Variants in ZNRF1 observed in about 807,000 individuals in gnomAD.
ZNRF1 encodes the protein zinc and ring finger 1, also known as E3 ubiquitin-protein ligase ZNRF1.
A neutral mutation model predicts 18.4 loss-of-function variants in ZNRF1; 3 were observed. The ratio of observed to expected loss-of-function variants is 0.16; its 90% CI spans 0.07 to 0.42. The LOEUF is 0.42. Ranked by LOEUF, ZNRF1 falls within the 10% of genes least tolerant of loss-of-function variation. The pLI is 0.99. For synonymous variants in ZNRF1, 157 were observed against 144.2 expected (o/e 1.09, Z -0.64); for missense variants, 310 against 329.8 (o/e 0.94, Z 0.47).
At chr16:75,086,579 C>T (rs2036076491) in intron 1 of ZNRF1, among the ~76,000 whole-genome samples, 1 of 152,158 alleles carries the variant, frequency 6.6e-6, no homozygotes, top group African/African-American at 2.4e-5. Flanking sequence ...AATGTGATAC[C>T]TACAGCTTAG....
rs11321828 is a variant in ZNRF1, at chr16:75,007,059, CTT to C, written c.424+6982_424+6983del. Among the ~76,000 whole-genome samples the C allele has an allele frequency of 7.3e-3, 1,012 of 138,638 alleles. 1 individual carries two copies. The highest frequency in any genetic ancestry group is 8.4e-3 in the Non-Finnish European group (543 of 64,462). The allele number at this position is 138,638 out of a possible 152,430, so 91.0% of individuals were successfully genotyped here. A position where few individuals can be genotyped will look rare whatever the true frequency, so the allele number is the denominator to read the frequency against. Reference sequence around the variant, plus strand: ...TGTGAAGCAAATAACCAAGTTTAATCTTTTTTTTTTTTTTTTTTTAAGACAGG... The same window carrying C: ...TGTGAAGCAAATAACCAAGTTTAATCTTTTTTTTTTTTTTTTTAAGACAGG... On this transcript the variant is annotated intron_variant, in intron 1 of 4. Transcript: ENST00000335325.
chr16:75,097,397 C>G lies in ZNRF1; in HGVS notation c.520+3730C>G, dbSNP rs1220223573. 2.0e-5 allele frequency among the ~76,000 whole-genome samples: 3 copies of G among 152,132 alleles called. No homozygotes were observed. In the East Asian group the frequency reaches 5.8e-4, roughly 29 times the overall value. ...GCCAGCAGCACCAAGGAGAGCTCCC[C>G]TCAGCTGTGTTCTGGGGGAGCAGAA... On this transcript the variant is annotated intron_variant, in intron 2 of 4. Coordinates refer to ENST00000335325, the MANE Select transcript of ZNRF1 (RefSeq NM_032268.5).
At chr16:75,010,996 A>T (rs1317344861) in intron 1 of ZNRF1, among the ~76,000 whole-genome samples, 2 of 152,330 alleles carry the variant, frequency 1.3e-5, no homozygotes, top group African/African-American at 4.8e-5. Context: ...GGCGTGAGCC[A>T]CCATGCCCAG....
chr16:75,096,059 CACGTGTGTGTGTGTGTGTGTGT>C (rs1302370222), intron 2 of ZNRF1, among the ~76,000 whole-genome samples: 2 of 61,766 alleles, frequency 3.2e-5, no homozygotes, highest in East Asian at 2.2e-3. Context: ...TGTATGTGTG[CACGTGTGTGTGTGTGTGTGTGT>C]GTGTGTGTGT....
At chr16:75,080,230 GATGAA>G (rs1362600275) in intron 1 of ZNRF1, among the ~76,000 whole-genome samples, 6 of 152,152 alleles carry the variant, frequency 3.9e-5, no homozygotes, top group Non-Finnish European at 8.8e-5. Context: ...TGATGGTTTT[GATGAA>G]ATGAATACAG....
chr16:75,086,442 G>A (rs750644324), intron 1 of ZNRF1, among the ~76,000 whole-genome samples: 7 of 152,094 alleles, frequency 4.6e-5, no homozygotes, highest in Non-Finnish European at 1.0e-4. Context: ...AGAATTCCTG[G>A]GCCTTTCCCA....
chr16:75,086,839 C>T (rs2145416074), intron 1 of ZNRF1, among the ~76,000 whole-genome samples: 1 of 152,184 alleles, frequency 6.6e-6, no homozygotes, highest in East Asian at 1.9e-4. Context: ...ATCTGTGTGG[C>T]GTGGCTTTCT....
chr16:75,091,720 A>G (rs373705272), intron 1 of ZNRF1, among the ~76,000 whole-genome samples: 1 of 151,468 alleles, frequency 6.6e-6, no homozygotes, highest in Non-Finnish European at 1.5e-5. Flanking sequence ...TAATTTTTGT[A>G]GAGACAGGCT....
chr16:75,058,262 G>A (rs1215723880), intron 1 of ZNRF1, among the ~76,000 whole-genome samples: 2 of 152,124 alleles, frequency 1.3e-5, no homozygotes, highest in East Asian at 1.9e-4. Flanking sequence ...CACAATGGAC[G>A]CTCCTTTGCT....
intron 1 of ZNRF1, among the ~76,000 whole-genome samples, chr16:75,049,737 A>G (rs2035566436): frequency 6.6e-6 from 1 of 152,202 alleles, no homozygotes; most frequent in African/African-American, 2.4e-5. Context: ...CTTCAGTGGT[A>G]CATCCTACAT....
intron 1 of ZNRF1, among the ~76,000 whole-genome samples, chr16:75,053,989 G>A (rs948246743): frequency 1.3e-5 from 2 of 152,182 alleles, no homozygotes; most frequent in Non-Finnish European, 1.5e-5. Flanking sequence ...TTTACTTTTC[G>A]TATGAACTAT....
At chr16:75,075,832 G>A (rs1478158916) in intron 1 of ZNRF1, among the ~76,000 whole-genome samples, 1 of 152,196 alleles carries the variant, frequency 6.6e-6, no homozygotes, top group Non-Finnish European at 1.5e-5. Context: ...TGGCAACCGT[G>A]GAAAGGATGG....
intron 1 of ZNRF1, among the ~76,000 whole-genome samples, chr16:75,088,243 C>T (rs1331768590): frequency 6.6e-6 from 1 of 152,196 alleles, no homozygotes; most frequent in Non-Finnish European, 1.5e-5. Flanking sequence ...GAGAATCCTT[C>T]TTGATCATCG....
At chr16:75,016,528 C>G (rs1174676598) in intron 1 of ZNRF1, among the ~76,000 whole-genome samples, 2 of 151,344 alleles carry the variant, frequency 1.3e-5, no homozygotes, top group African/African-American at 4.9e-5. Context: ...GCTTGAGCCA[C>G]TGCACCCAGC....
At chr16:75,014,252 C>G (rs1240206553) in intron 1 of ZNRF1, among the ~76,000 whole-genome samples, 1 of 152,136 alleles carries the variant, frequency 6.6e-6, no homozygotes, top group East Asian at 1.9e-4. Context: ...CTGGCTTATT[C>G]CCATTTTCTC....
At chr16:75,053,733 A>G (rs189329110) in intron 1 of ZNRF1, among the ~76,000 whole-genome samples, 2 of 152,288 alleles carry the variant, frequency 1.3e-5, no homozygotes, top group East Asian at 1.9e-4. Context: ...GTGGACTCAC[A>G]TAAGTAGTAA....
chr16:75,030,846 T>TC (rs1197678174), intron 1 of ZNRF1, among the ~76,000 whole-genome samples: 1 of 144,776 alleles, frequency 6.9e-6, no homozygotes, highest in African/African-American at 2.5e-5. Flanking sequence ...TTTTTTTTTT[T>TC]TTTTTTTTTG....
At chr16:75,066,921 A>T (rs2035812556) in intron 1 of ZNRF1, among the ~76,000 whole-genome samples, 2 of 151,900 alleles carry the variant, frequency 1.3e-5, no homozygotes, top group Non-Finnish European at 2.9e-5. Flanking sequence ...AAACAGTAAT[A>T]ATCATTATCT....
intron 2 of ZNRF1, among the ~76,000 whole-genome samples, chr16:75,098,872 C>T (rs1374303926): frequency 6.6e-6 from 1 of 152,172 alleles, no homozygotes; most frequent in Non-Finnish European, 1.5e-5. Flanking sequence ...GCCTCCCCAC[C>T]CCTCCATACT....
Sources: allele counts gnomAD v4.1 joint callset (sites outside exome capture counted in the v4.1 genomes callset), GRCh38; gene constraint gnomAD v4.1.1; transcripts MANE v1.5; gene names NCBI Gene and HGNC (gene_info 2026-07-23, HGNC 2026-07-21).